Variants in DGKG observed in about 807,000 individuals in gnomAD.
The protein encoded by DGKG is diacylglycerol kinase gamma.
In DGKG, 78 loss-of-function variants were observed where a neutral mutation model predicts 105.3. The ratio of observed to expected loss-of-function variants is 0.74; its 90% CI spans 0.62 to 0.89. The LOEUF is 0.89. DGKG is among the 40% of genes least tolerant of loss of function. DGKG has a pLI of 0.00. For synonymous variants in DGKG, 346 were observed against 367.1 expected (o/e 0.94, Z 0.66); for missense variants, 958 against 1,020.1 (o/e 0.94, Z 0.83).
intron 11 of DGKG, 135 bp downstream of exon 11, chr3:186,272,120 G>A: frequency 1.5e-6 from 1 of 681,782 alleles, no homozygotes. Context: ...GAACGGGATG[G>A]TTTACAGGTG....
chr3:186,349,197 A>C (rs1371738214), intron 1 of DGKG, among the ~76,000 whole-genome samples: 4 of 152,040 alleles, frequency 2.6e-5, no homozygotes, highest in African/African-American at 2.4e-5. Flanking sequence ...TCAGCTACCT[A>C]TATTTTTATT....
At chr3:186,358,529 G>T (rs1727086243) in intron 1 of DGKG, among the ~76,000 whole-genome samples, 2 of 61,556 alleles carry the variant, frequency 3.2e-5, no homozygotes, top group Non-Finnish European at 6.6e-5. Flanking sequence ...TGTGTGTTTT[G>T]TATTGCCTAA....
intron 22 of DGKG, among the ~76,000 whole-genome samples, chr3:186,181,259 G>A (rs557882963): frequency 2.3e-4 from 35 of 152,346 alleles, no homozygotes; most frequent in South Asian, 4.1e-4. Flanking sequence ...TGCCTGGCAC[G>A]TGGTGGGGGC....
At chr3:186,248,214 G>A (rs1409183498) in intron 19 of DGKG, among the ~76,000 whole-genome samples, 1 of 152,228 alleles carries the variant, frequency 6.6e-6, no homozygotes, top group Non-Finnish European at 1.5e-5. Flanking sequence ...ACAGGGAGGT[G>A]TGGGGAACCA....
chr3:186,243,209 A>G (rs1720771252), intron 19 of DGKG, among the ~76,000 whole-genome samples: 1 of 151,646 alleles, frequency 6.6e-6, no homozygotes, highest in African/African-American at 2.4e-5. Flanking sequence ...TTACTAGATA[A>G]TAAAACAAAA....
At chr3:186,263,786 T>A (rs1721906956) in intron 14 of DGKG, among the ~76,000 whole-genome samples, 8 of 151,964 alleles carry the variant, frequency 5.3e-5, no homozygotes, top group Admixed American at 5.2e-4. Flanking sequence ...CAAGAGTGGG[T>A]GCTCAGCAAA....
chr3:186,257,240 A>C (rs1258969449), intron 17 of DGKG, among the ~76,000 whole-genome samples: 1 of 152,196 alleles, frequency 6.6e-6, no homozygotes, highest in East Asian at 1.9e-4. Context: ...CTCTGCTTCC[A>C]TCCCAGAATT....
chr3:186,264,257 C>CTTTTCTTTTTAT (rs1721932259), intron 14 of DGKG, among the ~76,000 whole-genome samples: 1 of 150,364 alleles, frequency 6.7e-6, no homozygotes, highest in Non-Finnish European at 1.5e-5. Context: ...TTATGTTTCA[C>CTTTTCTTTTTAT]TTTTCTTTTT....
intron 22 of DGKG, among the ~76,000 whole-genome samples, chr3:186,174,564 A>C (rs1382756272): frequency 6.6e-6 from 1 of 152,114 alleles, no homozygotes; most frequent in African/African-American, 2.4e-5. Flanking sequence ...CAAGTGAAGC[A>C]TCTTTATTCC....
At chr3:186,184,081 C>T (rs1051233555) in intron 22 of DGKG, among the ~76,000 whole-genome samples, 2 of 151,544 alleles carry the variant, frequency 1.3e-5, no homozygotes, top group Non-Finnish European at 2.9e-5. Flanking sequence ...AATCAACTGG[C>T]ATTCTCCAAC....
intron 21 of DGKG, among the ~76,000 whole-genome samples, chr3:186,198,037 C>G (rs929674123): frequency 1.6e-4 from 25 of 152,232 alleles, no homozygotes; most frequent in Admixed American, 1.6e-3. Context: ...GGGACCATAT[C>G]TGACAGCTCT....
Position 186,257,929 on chromosome 3 carries a change from A to G in DGKG, c.1435T>C (p.Phe479Leu). ...NGGPTPGLNF[F>L]RDTPDFRVLA... ...ACACGGAAGTCTGGAGTATCACGGA[A>G]AAAGTTCAACCTGGGAAGAAGAAGA... The change falls in exon 17 of 25, where the codon TTC becomes CTC. Residue 479 changes from phenylalanine to leucine, a missense_variant. This residue lies in a region of DGKG where 643 missense variants were observed against 619.5 expected (regional missense o/e 1.04). Coordinates refer to ENST00000265022, the MANE Select transcript of DGKG (RefSeq NM_001346.3). 1 of 1,614,090 alleles carries G rather than the reference A, an allele frequency of 6.2e-7. No individual in the cohort carries two copies. Among genetic ancestry groups the G allele is most frequent in the Non-Finnish European group, 8.5e-7 (1 of 1,179,936 alleles).
chr3:186,164,505 G>A (rs1397299469), intron 23 of DGKG, among the ~76,000 whole-genome samples: 3 of 152,224 alleles, frequency 2.0e-5, no homozygotes, highest in East Asian at 3.8e-4. Flanking sequence ...AAGGAGTAGA[G>A]CAGAGAAGAG....
intron 7 of DGKG, among the ~76,000 whole-genome samples, chr3:186,282,662 G>A (rs1321744089): frequency 3.3e-5 from 5 of 151,856 alleles, no homozygotes; most frequent in East Asian, 1.9e-4. Context: ...ACAGGCGCCC[G>A]CCACCACACC....
chr3:186,207,908 C>T (rs1268664035), intron 21 of DGKG, among the ~76,000 whole-genome samples: 1 of 152,238 alleles, frequency 6.6e-6, no homozygotes, highest in African/African-American at 2.4e-5. Flanking sequence ...TTCAGTTTCT[C>T]TTTTGTCCAG....
chr3:186,314,920 A>G (rs1724742934), intron 2 of DGKG, among the ~76,000 whole-genome samples: 1 of 152,112 alleles, frequency 6.6e-6, no homozygotes, highest in Admixed American at 6.5e-5. Flanking sequence ...TCCTTGAGGC[A>G]TCATGGAACT....
chr3:186,297,145 A>G (rs1245087274), intron 5 of DGKG, among the ~76,000 whole-genome samples: 1 of 151,418 alleles, frequency 6.6e-6, no homozygotes, highest in Non-Finnish European at 1.5e-5. Context: ...GGGCAGGCAG[A>G]CATATCAGAG....
intron 1 of DGKG, among the ~76,000 whole-genome samples, chr3:186,324,355 T>C (rs1171626969): frequency 1.3e-5 from 2 of 152,124 alleles, no homozygotes; most frequent in African/African-American, 4.8e-5. Context: ...AAAAGCTTAC[T>C]GGGTTGGTGT....
intron 24 of DGKG, among the ~76,000 whole-genome samples, chr3:186,157,264 G>A (rs1716080039): frequency 6.6e-6 from 1 of 152,030 alleles, no homozygotes; most frequent in Non-Finnish European, 1.5e-5. Context: ...ATTTTATCAT[G>A]TAGTTTTTCT....
Sources: gnomAD v4.1 joint callset for allele counts (sites outside exome capture counted in the v4.1 genomes callset) on GRCh38, gnomAD v4.1.1 for gene constraint, gnomAD v4.1.1 regional missense constraint, MANE v1.5 for transcripts, NCBI Gene and HGNC (gene_info 2026-07-23, HGNC 2026-07-21) for gene names.